ENO4: variants seen among roughly 807,000 people sequenced by gnomAD.
ENO4 encodes enolase 4.
Under a neutral mutation model 63.2 loss-of-function variants are expected in ENO4, and 53 were observed. The observed-to-expected ratio is 0.84, with a 90% CI of 0.67 to 1.05. ENO4 has a LOEUF of 1.05. Ranked by LOEUF, ENO4 falls within the 50% of genes least tolerant of loss-of-function variation. The probability of loss-of-function intolerance (pLI) is 0.00; values close to 1 mark genes in which losing one functional copy is unlikely to be tolerated. For synonymous variants in ENO4, 266 were observed against 283.8 expected, an observed-to-expected ratio of 0.94 and a Z score of 0.63; for missense variants, 719 against 772.0, an observed-to-expected ratio of 0.93 and a Z score of 0.81.
intron 10 of ENO4, chr10:116,901,727 C>G: frequency 6.7e-7 from 1 of 1,503,266 alleles, no homozygotes; most frequent in Non-Finnish European, 8.8e-7. Flanking sequence ...ATTACAGATT[C>G]TTCTATACAC....
Position 116,894,235 on chromosome 10 carries a change from T to C in ENO4, c.1194+14249T>C, listed in dbSNP as rs116911366. 4.6e-5 allele frequency among the ~76,000 whole-genome samples: 7 copies of C among 152,370 alleles called. No homozygotes were observed. In the East Asian group the frequency reaches 9.6e-4, roughly 21 times the overall value. ...AATTTGTGTGGGGCCAAAAGTCACA[T>C]GTATTTAGAGATACCACAGACATAG... On this transcript the variant is annotated intron_variant, in intron 10 of 10. Coordinates refer to the ENO4 transcript ENST00000369207.
At chr10:116,854,050 C>G (rs746722231) in intron 1 of ENO4, among the ~76,000 whole-genome samples, 1 of 152,316 alleles carries the variant, frequency 6.6e-6, no homozygotes, top group East Asian at 1.9e-4. Flanking sequence ...GCAGGCTTCT[C>G]GAGTGGGCTT....
chr10:116,872,194 T>C (rs1278089973), intron 9 of ENO4, among the ~76,000 whole-genome samples: 3 of 152,136 alleles, frequency 2.0e-5, no homozygotes, highest in Non-Finnish European at 4.4e-5. Flanking sequence ...TGAAACTCCA[T>C]CTCAAAACAA....
At chr10:116,857,627 C>T (rs984707416) in intron 3 of ENO4, among the ~76,000 whole-genome samples, 6 of 146,124 alleles carry the variant, frequency 4.1e-5, no homozygotes, top group Admixed American at 3.6e-4. Flanking sequence ...AAGATAATGA[C>T]CTTTGTAACA....
At chr10:116,856,016 T>C (rs952042558) in intron 2 of ENO4, among the ~76,000 whole-genome samples, 5 of 152,220 alleles carry the variant, frequency 3.3e-5, no homozygotes, top group Non-Finnish European at 7.3e-5. Context: ...TTATAAACTC[T>C]GACATTACTC....
At chr10:116,887,168 T>C (rs2133295904), downstream of ENO4, among the ~76,000 whole-genome samples, 1 of 152,330 alleles carries the variant, frequency 6.6e-6, no homozygotes, top group African/African-American at 2.4e-5. Context: ...GCTAAAATGC[T>C]AAGTTACCAT....
In ENO4 at chr10:116,860,861, CA is replaced by C; in HGVS notation, c.703del (p.Ser235ValfsTer4). The stretch of plus-strand genomic sequence containing the variant: ...AGCCTGTTGAGCCTGTACTCAGTGG[CA>C]GTATGGCCATAGGGGCCGTGTCACT... ...AEPVEPVLSGSMAIGAVSLAV... is the reference protein window; with the variant it reads ...AEPVEPVLSGXMAIGAVSLAV... On this transcript the variant is annotated frameshift_variant, in exon 5 of 14. Coordinates refer to ENST00000341276, the MANE Select transcript of ENO4 (RefSeq NM_001242699.2). LOFTEE classifies it high-confidence loss of function. 6.5e-7 allele frequency: 1 copy of C among 1,549,292 alleles called. No homozygotes were observed. Among genetic ancestry groups the C allele is most frequent in the South Asian group, 1.2e-5 (1 of 83,878 alleles).
intron 13 of ENO4, 78 bp from the exon 14 acceptor site, chr10:116,881,437 G>T: frequency 8.7e-7 from 1 of 1,147,898 alleles, no homozygotes. Flanking sequence ...TACTGAAGAT[G>T]ATCTCCTTCA....
intron 10 of ENO4, among the ~76,000 whole-genome samples, chr10:116,874,425 A>G (rs533762367): frequency 7.9e-5 from 12 of 152,310 alleles, no homozygotes; most frequent in Middle Eastern, 3.4e-3. Context: ...AAGCAAATGA[A>G]TAGGAAAAAC....
At chr10:116,879,485 T>G in intron 12 of ENO4, 127 bp downstream of exon 12, 1 of 707,820 alleles carries the variant, frequency 1.4e-6, no homozygotes, top group South Asian at 2.1e-5. Flanking sequence ...TCCTCCCAGA[T>G]AGCTACCTTT....
In ENO4 at chr10:116,871,287, G is replaced by T. The variant is rs2133270791; in HGVS notation, c.1210G>T (p.Asp404Tyr). 6.5e-7 allele frequency: 1 copy of T among 1,549,610 alleles called. No individual in the cohort carries two copies. Among genetic ancestry groups the T allele is most frequent in the South Asian group, 1.2e-5 (1 of 83,908 alleles). The change falls in exon 9 of 14, where the codon GAC becomes TAC. Residue 404 changes from aspartate (D) to tyrosine (Y), a missense_variant. Physicochemically the swap from Asp to Tyr is radical, Grantham distance 160 (BLOSUM62 -3). Around this residue, in one of 3 missense-constraint regions of ENO4, gnomAD observed 544 missense variants for 583.6 expected, o/e 0.93. Coordinates refer to ENST00000341276, the MANE Select transcript of ENO4 (RefSeq NM_001242699.2). ...AINCAGHELMDYNKGKYEVIM... is the reference protein window; with the variant it reads ...AINCAGHELMYYNKGKYEVIM... ...CAACTGTGCTGGACATGAGCTGATG[G>T]ACTACGTAAGTTTCCACTTCAGAAC...
Position 116,879,077 on chromosome 10 carries a change from C to T in ENO4, c.1538-214C>T, listed in dbSNP as rs117722991. On this transcript the variant is annotated intron_variant, in intron 11 of 13. Coordinates refer to ENST00000341276, the MANE Select transcript of ENO4 (RefSeq NM_001242699.2). ...CTTAATTTTAATGAAACACAGTATT[C>T]ATTTAGTATTTACAGCATCTAAGCT... is the stretch of plus-strand genomic sequence containing the variant. Among the ~76,000 whole-genome samples, 11 of 152,186 alleles carry T rather than the reference C, an allele frequency of 7.2e-5. No individual in the cohort carries two copies. The East Asian group carries it at 1.9e-3, about 27-fold the overall frequency.
intron 1 of ENO4, 49 bp downstream of exon 1, chr10:116,849,780 G>C (rs1050192157): frequency 8.9e-6 from 13 of 1,459,566 alleles, no homozygotes; most frequent in African/African-American, 8.6e-5. Flanking sequence ...CTCTCCCCCC[G>C]CCCCGCGCTG....
At chr10:116,897,972 A>G (rs1230664865) in intron 10 of ENO4, among the ~76,000 whole-genome samples, 3 of 152,142 alleles carry the variant, frequency 2.0e-5, no homozygotes, top group Non-Finnish European at 4.4e-5. Flanking sequence ...CCTGGGCAAC[A>G]CTTAATTATT....
intron 10 of ENO4, among the ~76,000 whole-genome samples, chr10:116,887,719 C>T (rs891260334): frequency 2.6e-5 from 4 of 152,184 alleles, no homozygotes; most frequent in African/African-American, 9.7e-5. Context: ...ATGTAAACAT[C>T]CACGAGGCAG....
At chr10:116,893,610 G>A (rs888380413) in intron 10 of ENO4, among the ~76,000 whole-genome samples, 13 of 3,496 alleles carry the variant, frequency 3.7e-3, no homozygotes, top group South Asian at 0.03. Context: ...GAAAGAAAGC[G>A]GAGAAGCGGA....
chr10:116,850,932 T>C (rs1199309591), intron 1 of ENO4, among the ~76,000 whole-genome samples: 1 of 152,176 alleles, frequency 6.6e-6, no homozygotes, highest in East Asian at 1.9e-4. Context: ...TGGCACACAG[T>C]GGATGCTGAG....
In ENO4 at chr10:116,849,508, C is replaced by T; in HGVS notation, c.-59C>T. On this transcript the variant is annotated 5_prime_UTR_variant, in exon 1 of 14. Coordinates refer to ENST00000341276, the MANE Select transcript of ENO4 (RefSeq NM_001242699.2). ...GGGATCACGTTGCGTTGCCTAGCGA[C>T]AGCAGGGACGCTCGTGGGACCCCAG... The T allele has an allele frequency of 6.9e-7, 1 of 1,450,314 alleles. No individual in the cohort carries two copies. The highest frequency in any genetic ancestry group is 9.1e-7 in the Non-Finnish European group (1 of 1,096,164). 89.8% of individuals were successfully genotyped at this position (1,450,314 alleles called of 1,614,324 possible). A position where few individuals can be genotyped will look rare whatever the true frequency, so the allele number is the denominator to read the frequency against.
chr10:116,912,079 A>G (rs1209823081), downstream of ENO4, among the ~76,000 whole-genome samples: 2 of 152,244 alleles, frequency 1.3e-5, no homozygotes, highest in Non-Finnish European at 2.9e-5. Context: ...GAGACAAGCT[A>G]CCCTCTTCTA....
Sources: allele counts gnomAD v4.1 joint callset (sites outside exome capture counted in the v4.1 genomes callset), GRCh38; gene constraint gnomAD v4.1.1; regional missense constraint gnomAD v4.1.1; transcripts MANE v1.5; gene names NCBI Gene and HGNC (gene_info 2026-07-23, HGNC 2026-07-21).